Variants in CACNG4 observed in about 807,000 individuals in gnomAD.
CACNG4 encodes the protein calcium voltage-gated channel auxiliary subunit gamma 4.
CACNG4 carries 8 observed loss-of-function variants against 22.9 expected under a neutral mutation model. The ratio of observed to expected loss-of-function variants is 0.35; its 90% confidence interval spans 0.21 to 0.63. The LOEUF is 0.63. Among genes scored for constraint, CACNG4 ranks in the 30% least tolerant of loss-of-function variants. The probability of loss-of-function intolerance (pLI) is 0.72; values close to 1 mark genes in which losing one functional copy is unlikely to be tolerated. For synonymous variants in CACNG4, 188 were observed against 191.9 expected (o/e 0.98, Z 0.17); for missense variants, 357 against 455.4 (o/e 0.78, Z 1.97).
chr17:66,968,349 C>A (rs1290129517), intron 1 of CACNG4, among the ~76,000 whole-genome samples: 1 of 152,152 alleles, frequency 6.6e-6, no homozygotes, highest in African/African-American at 2.4e-5. Context: ...ACAACGGATA[C>A]ATAAATTGCG....
intron 3 of CACNG4, among the ~76,000 whole-genome samples, chr17:67,026,122 T>TG (rs1366795307): frequency 2.0e-5 from 3 of 150,254 alleles, no homozygotes; most frequent in African/African-American, 7.4e-5. Flanking sequence ...TGTGTGTGTG[T>TG]ATTTGAGGAC....
intron 3 of CACNG4, among the ~76,000 whole-genome samples, chr17:67,028,796 C>A (rs1377967895): frequency 6.6e-6 from 1 of 152,168 alleles, no homozygotes; most frequent in African/African-American, 2.4e-5. Flanking sequence ...AACTCAAACC[C>A]CACCAGTGTG....
intron 1 of CACNG4, among the ~76,000 whole-genome samples, chr17:67,007,373 T>G (rs895256737): frequency 6.6e-6 from 1 of 152,188 alleles, no homozygotes; most frequent in Non-Finnish European, 1.5e-5. Context: ...CTCTCTTAAC[T>G]CTAATTGGAA....
chr17:67,026,732 CTG>C (rs1318884707), intron 3 of CACNG4, among the ~76,000 whole-genome samples: 1 of 146,706 alleles, frequency 6.8e-6, no homozygotes, highest in African/African-American at 2.5e-5. Flanking sequence ...GTGTTGAGGA[CTG>C]TGGTGTGTTT....
At position 67,032,224 on chromosome 17, in the gene CACNG4, TGTCC is replaced by T; in HGVS notation, c.*1222_*1225del. ...CTACAGAGGGGAGATCTCAGCACTTTGTCCGGAGCTGAGGAAGTGGTTTCTGTGT... is the reference window on the plus strand; with the variant it reads ...CTACAGAGGGGAGATCTCAGCACTTTGGAGCTGAGGAAGTGGTTTCTGTGT... On this transcript the variant is annotated 3_prime_UTR_variant, in exon 4 of 4. Coordinates refer to ENST00000262138, the MANE Select transcript of CACNG4 (RefSeq NM_014405.4). 1 of 348,060 alleles carries T rather than the reference TGTCC, an allele frequency of 2.9e-6. No individual in the cohort carries two copies. Among genetic ancestry groups the T allele is most frequent in the African/African-American group, 2.1e-5 (1 of 46,754 alleles). 21.6% of individuals were successfully genotyped at this position (348,060 alleles called of 1,614,324 possible). A position where few individuals can be genotyped will look rare whatever the true frequency, so the allele number is the denominator to read the frequency against.
At chr17:67,004,182 C>G (rs1274744829) in intron 1 of CACNG4, among the ~76,000 whole-genome samples, 1 of 152,208 alleles carries the variant, frequency 6.6e-6, no homozygotes, top group Non-Finnish European at 1.5e-5. Context: ...ACTGAGGTTT[C>G]ATCCAAGCAG....
intron 3 of CACNG4, among the ~76,000 whole-genome samples, chr17:67,025,649 G>C (rs2035559957): frequency 6.6e-6 from 1 of 152,270 alleles, no homozygotes; most frequent in South Asian, 2.1e-4. Flanking sequence ...GATGTCCCCG[G>C]AAAGTGCCAT....
chr17:66,983,631 G>T (rs1054896632), intron 1 of CACNG4, among the ~76,000 whole-genome samples: 5 of 152,218 alleles, frequency 3.3e-5, no homozygotes, highest in African/African-American at 1.2e-4. Context: ...GGATTCTGCT[G>T]TCAGACTGAG....
Position 67,024,804 on chromosome 17 carries a change from G to C in CACNG4, c.305-56G>C, listed in dbSNP as rs560631808. On this transcript the variant is annotated intron_variant, in intron 2 of 3. Transcript: ENST00000262138. The stretch of plus-strand genomic sequence containing the variant: ...CTGGGAGACATACGCAGCCATGCCC[G>C]GGAGGGCACCTGATCTCACTGCCCT... 5.2e-5 allele frequency: 74 copies of C among 1,430,208 alleles called. No individual in the cohort carries two copies. The East Asian group carries it at 6.7e-4, about 13-fold the overall frequency. 88.6% of individuals were successfully genotyped at this position (1,430,208 alleles called of 1,614,324 possible).
chr17:66,992,974 T>A (rs969803095), intron 1 of CACNG4, among the ~76,000 whole-genome samples: 8 of 152,230 alleles, frequency 5.3e-5, no homozygotes, highest in Non-Finnish European at 1.2e-4. Flanking sequence ...TCTGTGTGGG[T>A]TTCCCAGAGG....
At chr17:66,982,405 A>AAT (rs1179084415) in intron 1 of CACNG4, among the ~76,000 whole-genome samples, 2 of 152,022 alleles carry the variant, frequency 1.3e-5, no homozygotes, top group Admixed American at 1.3e-4. Flanking sequence ...GTGTGTTTTT[A>AAT]CAGAGTACCA....
At chr17:66,998,822 CCAAA>C (rs1164158681) in intron 1 of CACNG4, among the ~76,000 whole-genome samples, 1 of 152,222 alleles carries the variant, frequency 6.6e-6, no homozygotes, top group Non-Finnish European at 1.5e-5. Context: ...GAGCCCCTTT[CCAAA>C]CAGACACACC....
rs1449677893 is a variant in CACNG4, at chr17:66,965,070, G to T, written c.159G>T (p.Pro53=). Residue 53 remains proline, a synonymous_variant, in exon 1 of 4, where the codon CCG becomes CCT. Transcript: ENST00000262138. ...GTNLTMDDGP[P]PRRARGDLTH... The stretch of plus-strand genomic sequence containing the variant: ...ACCTGACCATGGACGACGGGCCCCC[G>T]CCCCGCCGCGCCCGCGGCGACCTCA... 6.3e-7 allele frequency: 1 copy of T among 1,586,062 alleles called. No homozygotes were observed. The highest frequency in any genetic ancestry group is 8.6e-7 in the Non-Finnish European group (1 of 1,166,916).
At chr17:66,991,454 C>G (rs190014002) in intron 1 of CACNG4, among the ~76,000 whole-genome samples, 1 of 152,302 alleles carries the variant, frequency 6.6e-6, no homozygotes, top group East Asian at 1.9e-4. Context: ...TAGTGCTGAG[C>G]AAAGCAGTGG....
At chr17:67,004,783 G>A (rs2035427849) in intron 1 of CACNG4, among the ~76,000 whole-genome samples, 1 of 152,160 alleles carries the variant, frequency 6.6e-6, no homozygotes, top group South Asian at 2.1e-4. Flanking sequence ...GAGTGCAGTG[G>A]TATGATCTCA....
chr17:67,000,369 T>C (rs1026561883), intron 1 of CACNG4, among the ~76,000 whole-genome samples: 12 of 152,228 alleles, frequency 7.9e-5, no homozygotes, highest in African/African-American at 2.9e-4. Flanking sequence ...TGGGCTGTCC[T>C]GTGCCTGTGG....
intron 1 of CACNG4, among the ~76,000 whole-genome samples, chr17:66,974,775 G>T (rs1217983376): frequency 6.6e-6 from 1 of 152,116 alleles, no homozygotes; most frequent in Non-Finnish European, 1.5e-5. Context: ...AGCCACTTCC[G>T]CCCCCACAGG....
At chr17:67,023,573 C>T (rs1011933904) in intron 2 of CACNG4, among the ~76,000 whole-genome samples, 2 of 83,582 alleles carry the variant, frequency 2.4e-5, no homozygotes, top group African/African-American at 7.8e-5. Context: ...CCGCGCCCAG[C>T]CCTTTTTTTT....
At chr17:66,988,721 G>T (rs533944865) in intron 1 of CACNG4, among the ~76,000 whole-genome samples, 25 of 152,226 alleles carry the variant, frequency 1.6e-4, no homozygotes, top group African/African-American at 5.8e-4. Context: ...AAATTTCTTG[G>T]TGGGGGCTTC....
Sources: allele counts gnomAD v4.1 joint callset (sites outside exome capture counted in the v4.1 genomes callset), GRCh38; gene constraint gnomAD v4.1.1; transcripts MANE v1.5; gene names NCBI Gene and HGNC (gene_info 2026-07-23, HGNC 2026-07-21).